Variants in AGBL1 observed in about 807,000 individuals in gnomAD.
AGBL1 encodes the protein AGBL carboxypeptidase 1.
Under a neutral mutation model 118.9 loss-of-function variants are expected in AGBL1, and 130 were observed. The ratio of observed to expected loss-of-function variants is 1.09; its 90% CI spans 0.95 to 1.26. The LOEUF is 1.26. AGBL1 is among the 50% of genes most tolerant of loss of function. The probability of loss-of-function intolerance (pLI) is 0.00; values close to 1 mark genes in which losing one functional copy is unlikely to be tolerated. For missense variants in AGBL1, 1,584 were observed against 1,298.1 expected, an observed-to-expected ratio of 1.22 and a Z score of -3.38; for synonymous variants, 555 against 478.9, an observed-to-expected ratio of 1.16 and a Z score of -2.08.
chr15:86,673,078 A>G (rs1009768320), intron 21 of AGBL1, among the ~76,000 whole-genome samples: 9 of 152,178 alleles, frequency 5.9e-5, no homozygotes, highest in Admixed American at 2.6e-4. Context: ...AAATCTATTC[A>G]TAAAAAATGA....
intron 22 of AGBL1, among the ~76,000 whole-genome samples, chr15:86,828,154 G>A (rs1257535086): frequency 6.6e-6 from 1 of 151,330 alleles, no homozygotes; most frequent in African/African-American, 2.4e-5. Flanking sequence ...TGTTGCCTAG[G>A]CTGGTCTCAA....
chr15:86,090,900 A>G (rs1895978154), intron 1 of AGBL1, among the ~76,000 whole-genome samples: 1 of 152,180 alleles, frequency 6.6e-6, no homozygotes, highest in Non-Finnish European at 1.5e-5. Flanking sequence ...GAGTCAACAC[A>G]TTTATGGCTT....
At chr15:86,523,326 G>C (rs1250717942) in intron 19 of AGBL1, among the ~76,000 whole-genome samples, 1 of 152,110 alleles carries the variant, frequency 6.6e-6, no homozygotes, top group African/African-American at 2.4e-5. Flanking sequence ...TCTTCACAAG[G>C]CCATCTTCCC....
intron 19 of AGBL1, among the ~76,000 whole-genome samples, chr15:86,540,198 T>G (rs958214169): frequency 6.6e-6 from 1 of 152,214 alleles, no homozygotes; most frequent in Non-Finnish European, 1.5e-5. Flanking sequence ...CTATTATTAT[T>G]GTTACGGAGA....
chr15:86,867,749 T>G (rs771847949), intron 22 of AGBL1, among the ~76,000 whole-genome samples: 2 of 152,118 alleles, frequency 1.3e-5, no homozygotes, highest in Non-Finnish European at 2.9e-5. Context: ...AGGATATATG[T>G]TGGTATGAAA....
intron 22 of AGBL1, among the ~76,000 whole-genome samples, chr15:86,740,714 T>C (rs956158587): frequency 6.6e-6 from 1 of 152,008 alleles, no homozygotes; most frequent in Non-Finnish European, 1.5e-5. Context: ...GTTGGACAGA[T>C]CAAGAAAAAG....
intron 21 of AGBL1, among the ~76,000 whole-genome samples, chr15:86,581,509 A>G (rs2084172220): frequency 6.6e-6 from 1 of 152,214 alleles, no homozygotes; most frequent in Admixed American, 6.5e-5. Context: ...AGGCCATTGC[A>G]AAAACCATTA....
At chr15:86,095,175 C>T (rs1042904749) in intron 1 of AGBL1, among the ~76,000 whole-genome samples, 4 of 152,182 alleles carry the variant, frequency 2.6e-5, no homozygotes, top group African/African-American at 7.2e-5. Flanking sequence ...GGGTGCACCA[C>T]CCTACTAGCA....
At chr15:86,384,690 C>T (rs1483796351) in intron 17 of AGBL1, among the ~76,000 whole-genome samples, 1 of 152,138 alleles carries the variant, frequency 6.6e-6, no homozygotes, top group Non-Finnish European at 1.5e-5. Flanking sequence ...ACACCACTTC[C>T]TCTTGGTTAT....
chr15:86,460,260 T>C (rs566264659), intron 18 of AGBL1, among the ~76,000 whole-genome samples: 1 of 137,734 alleles, frequency 7.3e-6, no homozygotes, highest in East Asian at 2.1e-4. Context: ...GGTGGGAGGA[T>C]TGCCTGAGCC....
chr15:86,559,189 C>T (rs2083778783), intron 21 of AGBL1, among the ~76,000 whole-genome samples: 1 of 152,150 alleles, frequency 6.6e-6, no homozygotes, highest in Non-Finnish European at 1.5e-5. Flanking sequence ...CACCTTACTC[C>T]AGGATGACCT....
At position 86,244,940 on chromosome 15, in the gene AGBL1, G is replaced by T. The variant is rs186419936; in HGVS notation, c.527-2731G>T. Among the ~76,000 whole-genome samples the T allele has an allele frequency of 2.0e-5, 3 of 152,210 alleles. No homozygotes were observed. In the East Asian group the frequency reaches 5.8e-4, roughly 29 times the overall value. On this transcript the variant is annotated intron_variant, in intron 6 of 22. Transcript: ENST00000614907. ...CATGCTGTATGGCCAAGATCTGCCA[G>T]GAAGTGAAATATTTTTGATACAAAA...
At chr15:86,224,578 A>G (rs990042077) in intron 5 of AGBL1, among the ~76,000 whole-genome samples, 6 of 152,250 alleles carry the variant, frequency 3.9e-5, no homozygotes, top group Admixed American at 3.9e-4. Flanking sequence ...AAACAAATCA[A>G]GAGACTGACA....
intron 18 of AGBL1, among the ~76,000 whole-genome samples, chr15:86,486,458 C>T (rs1250559832): frequency 2.0e-5 from 3 of 152,044 alleles, no homozygotes; most frequent in Admixed American, 6.6e-5. Context: ...TTTGCTGTCA[C>T]ATTTTAGCAT....
At chr15:86,429,206 GGC>G (rs1223558293) in intron 18 of AGBL1, among the ~76,000 whole-genome samples, 1 of 152,162 alleles carries the variant, frequency 6.6e-6, no homozygotes, top group Non-Finnish European at 1.5e-5. Flanking sequence ...TACTCCGGAT[GGC>G]AAGAAAACAA....
At chr15:86,271,474 A>C (rs932575193) in intron 14 of AGBL1, 145 bp from the exon 15 acceptor site, 3 of 670,170 alleles carry the variant, frequency 4.5e-6, no homozygotes, top group African/African-American at 1.8e-5. Flanking sequence ...TCCTTAACTT[A>C]ATCATATCTG....
intron 17 of AGBL1, among the ~76,000 whole-genome samples, chr15:86,328,060 T>C (rs564006888): frequency 1.1e-4 from 16 of 152,376 alleles, no homozygotes; most frequent in Middle Eastern, 3.4e-3. Context: ...CATAATTTTC[T>C]GTTATTCTGA....
At position 86,908,751 on chromosome 15, in the gene AGBL1, A is replaced by C. The variant is rs1160622909; in HGVS notation, c.*1457A>C. On this transcript the variant is annotated 3_prime_UTR_variant, in exon 23 of 23. Transcript: ENST00000614907. ...ACCTGCGAAGAAAGGATGAGAAGGG[A>C]CGACAAAGGCAGTGGTAGAGTGAGA... 4 of 152,274 alleles carry C rather than the reference A, an allele frequency of 2.6e-5. No homozygotes were observed. Among genetic ancestry groups the C allele is most frequent in the Admixed American group, 1.3e-4 (2 of 15,276 alleles). The allele number at this position is 152,274 out of a possible 1,614,324, so 9.4% of individuals were successfully genotyped here. A position where few individuals can be genotyped will look rare whatever the true frequency, so the allele number is the denominator to read the frequency against.
chr15:86,311,140 T>C (rs931749220), intron 17 of AGBL1, among the ~76,000 whole-genome samples: 10 of 152,210 alleles, frequency 6.6e-5, no homozygotes, highest in Middle Eastern at 3.2e-3. Flanking sequence ...CAAGTTGTGT[T>C]TTTGGTTTCC....
Sources: allele counts gnomAD v4.1 joint callset (sites outside exome capture counted in the v4.1 genomes callset), GRCh38; gene constraint gnomAD v4.1.1; transcripts MANE v1.5; gene names NCBI Gene and HGNC (gene_info 2026-07-23, HGNC 2026-07-21).